The following DPP10 variants were observed in gnomAD, a reference collection of about 807,000 sequenced individuals.
The protein encoded by DPP10 is dipeptidyl peptidase like 10, also known as inactive dipeptidyl peptidase 10.
In DPP10, 33 loss-of-function variants were observed where a neutral mutation model predicts 120.9. The ratio of observed to expected loss-of-function variants is 0.27; its 90% confidence interval spans 0.21 to 0.37. The LOEUF is 0.37. DPP10 is among the 10% of genes least tolerant of loss of function. DPP10 has a pLI of 1.00. For synonymous variants in DPP10, 337 were observed against 326.1 expected (o/e 1.03, Z -0.36); for missense variants, 816 against 942.8 (o/e 0.87, Z 1.76).
At chr2:115,801,916 C>T (rs1265108434) in intron 19 of DPP10, among the ~76,000 whole-genome samples, 1 of 152,030 alleles carries the variant, frequency 6.6e-6, no homozygotes. Context: ...TGTCTCTGCT[C>T]GGCTTTGGTA....
At chr2:115,512,198 T>C (rs1019658764) in intron 4 of DPP10, among the ~76,000 whole-genome samples, 1 of 152,094 alleles carries the variant, frequency 6.6e-6, no homozygotes, top group Admixed American at 6.6e-5. Context: ...TCTCCCAGGC[T>C]TAAGCAACCT....
At chr2:115,239,350 CA>C (rs1449404546) in intron 1 of DPP10, among the ~76,000 whole-genome samples, 2 of 152,170 alleles carry the variant, frequency 1.3e-5, no homozygotes, top group African/African-American at 4.8e-5. Flanking sequence ...AAAAGTCAAT[CA>C]ATGTGGCAAA....
At chr2:114,460,910 G>C (rs1678874276) in intron 1 of DPP10, among the ~76,000 whole-genome samples, 2 of 152,142 alleles carry the variant, frequency 1.3e-5, no homozygotes, top group African/African-American at 4.8e-5. Context: ...ATTGTTTGTA[G>C]ATGAAAAATA....
At chr2:115,579,013 C>T (rs1558876411) in intron 5 of DPP10, 1 of 152,222 alleles carries the variant, frequency 6.6e-6, no homozygotes, top group Non-Finnish European at 1.5e-5. Flanking sequence ...CCAACACTCA[C>T]ATAGTGTTTA....
At chr2:115,015,091 G>A (rs10166209) in intron 1 of DPP10, among the ~76,000 whole-genome samples, 2,732 of 152,022 alleles carry the variant, frequency 0.018, 73 homozygotes, top group African/African-American at 0.06. Flanking sequence ...ACATCGATGC[G>A]AAAATCCTTA....
chr2:115,386,151 G>A (rs1405817340), intron 3 of DPP10, among the ~76,000 whole-genome samples: 1 of 152,148 alleles, frequency 6.6e-6, no homozygotes, highest in East Asian at 1.9e-4. Context: ...AAGGAGGAAA[G>A]AGTAATTAAA....
At chr2:115,759,106 T>G (rs921817777) in intron 11 of DPP10, among the ~76,000 whole-genome samples, 3 of 152,102 alleles carry the variant, frequency 2.0e-5, no homozygotes, top group South Asian at 4.1e-4. Flanking sequence ...GAAAAGGATA[T>G]GCAAACTACA....
At chr2:115,406,937 C>A (rs12614808) in intron 3 of DPP10, among the ~76,000 whole-genome samples, 75,845 of 151,936 alleles carry the variant, frequency 0.5, 20,140 homozygotes, top group Non-Finnish European at 0.61. Flanking sequence ...GTAGAAAAAA[C>A]CGGGTTCTTG....
At chr2:114,607,719 C>G in intron 1 of DPP10, among the ~76,000 whole-genome samples, 1 of 152,122 alleles carries the variant, frequency 6.6e-6, no homozygotes, top group East Asian at 1.9e-4. Context: ...ACCTTTTCTT[C>G]TTTGCCTTGT....
At chr2:115,277,933 G>A (rs1004602227) in intron 1 of DPP10, among the ~76,000 whole-genome samples, 2 of 152,162 alleles carry the variant, frequency 1.3e-5, no homozygotes, top group African/African-American at 4.8e-5. Flanking sequence ...GCAAGATGAT[G>A]TTGACTTTGC....
At chr2:114,985,596 A>G (rs1260719161) in intron 1 of DPP10, among the ~76,000 whole-genome samples, 2 of 152,224 alleles carry the variant, frequency 1.3e-5, no homozygotes, top group African/African-American at 4.8e-5. Context: ...ATCAGTGTCC[A>G]CAAATGAGCC....
At chr2:115,740,500 T>C (rs1045250466) in intron 9 of DPP10, among the ~76,000 whole-genome samples, 4 of 152,080 alleles carry the variant, frequency 2.6e-5, no homozygotes, top group African/African-American at 9.7e-5. Context: ...TTATTAGTAT[T>C]AGTATCAATA....
intron 3 of DPP10, among the ~76,000 whole-genome samples, chr2:115,429,973 C>G (rs1559593402): frequency 6.6e-6 from 1 of 152,104 alleles, no homozygotes; most frequent in African/African-American, 2.4e-5. Flanking sequence ...CTTTTTATGA[C>G]AAGCGCTAAA....
intron 1 of DPP10, among the ~76,000 whole-genome samples, chr2:114,537,050 T>G (rs993305092): frequency 6.6e-6 from 1 of 152,206 alleles, no homozygotes; most frequent in African/African-American, 2.4e-5. Context: ...GATTTCATAG[T>G]GCTCATTAAG....
At chr2:115,400,671 T>C (rs11893644) in intron 3 of DPP10, among the ~76,000 whole-genome samples, 1,682 of 151,972 alleles carry the variant, frequency 0.011, 27 homozygotes, top group African/African-American at 0.039. Flanking sequence ...CTGTGTGATA[T>C]TGGAAAAAAA....
At chr2:114,673,468 G>A (rs2105653337) in intron 1 of DPP10, among the ~76,000 whole-genome samples, 1 of 151,434 alleles carries the variant, frequency 6.6e-6, no homozygotes, top group East Asian at 2.0e-4. Context: ...TTGTTAGTTT[G>A]AGATGGAGTC....
At chr2:114,648,198 GGGCAA>G (rs1292084638) in intron 1 of DPP10, among the ~76,000 whole-genome samples, 1 of 152,106 alleles carries the variant, frequency 6.6e-6, no homozygotes, top group Non-Finnish European at 1.5e-5. Context: ...TGAGTGACAA[GGGCAA>G]CTGATCAAAA....
chr2:115,598,846 G>A (rs1356484734), intron 5 of DPP10, among the ~76,000 whole-genome samples: 1 of 148,240 alleles, frequency 6.7e-6, no homozygotes, highest in Non-Finnish European at 1.5e-5. Context: ...ATGTTTTTTG[G>A]AGTGTAGGTT....
intron 8 of DPP10, among the ~76,000 whole-genome samples, chr2:115,736,703 C>T (rs1050670326): frequency 6.6e-6 from 1 of 152,136 alleles, no homozygotes; most frequent in Non-Finnish European, 1.5e-5. Flanking sequence ...AAAAAATTCA[C>T]GTGCCATCAG....
Sources: gnomAD v4.1 joint callset for allele counts (sites outside exome capture counted in the v4.1 genomes callset) on GRCh38, gnomAD v4.1.1 for gene constraint, MANE v1.5 for transcripts, NCBI Gene and HGNC (gene_info 2026-07-23, HGNC 2026-07-21) for gene names.